EFNA5: variants seen among roughly 807,000 people sequenced by gnomAD.
EFNA5 encodes ephrin-A5.
A neutral mutation model predicts 22.9 loss-of-function variants in EFNA5; 5 were observed. The ratio of observed to expected loss-of-function variants is 0.22; its 90% CI spans 0.11 to 0.46. The LOEUF is 0.46. Ranked by LOEUF, EFNA5 falls within the 20% of genes least tolerant of loss-of-function variation. The pLI, the probability that EFNA5 is intolerant of heterozygous loss-of-function variation, is 0.99. For missense variants in EFNA5, 237 were observed against 293.3 expected, an observed-to-expected ratio of 0.81 and a Z score of 1.40; for synonymous variants, 113 against 112.2, an observed-to-expected ratio of 1.01 and a Z score of -0.04.
rs189667320 is a variant in EFNA5 at position 107,413,047 on chromosome 5, T to A, written c.418+14170A>T. Among the ~76,000 whole-genome samples the A allele has an allele frequency of 2.0e-5, 3 of 152,272 alleles. No individual in the cohort carries two copies. In the East Asian group the frequency reaches 5.8e-4, roughly 29 times the overall value. The stretch of plus-strand genomic sequence containing the variant: ...ACTAATTGCCTTTCAAATATCAATA[T>A]TAAGAAAACCACTTATTAAACTAGC... On this transcript the variant is annotated intron_variant, in intron 2 of 4. Transcript: ENST00000333274.
chr5:107,397,121 G>T (rs560747689), intron 2 of EFNA5, among the ~76,000 whole-genome samples: 1 of 151,358 alleles, frequency 6.6e-6, no homozygotes, highest in South Asian at 2.1e-4. Flanking sequence ...TTAGCCTGGT[G>T]CAATGCCTAT....
chr5:107,494,245 G>C (rs1330653582), intron 1 of EFNA5, among the ~76,000 whole-genome samples: 2 of 152,136 alleles, frequency 1.3e-5, no homozygotes, highest in Middle Eastern at 3.2e-3. Context: ...GGGAGGTGTG[G>C]AGGCGGAGGC....
intron 1 of EFNA5, 109 bp downstream of exon 1, chr5:107,670,380 C>T (rs1301347927): frequency 1.5e-6 from 2 of 1,376,182 alleles, no homozygotes; most frequent in Non-Finnish European, 1.9e-6. Context: ...GACGCAGGCT[C>T]CGAGGGTGCG....
At position 107,379,159 on chromosome 5, in the gene EFNA5, G is replaced by C. The variant is rs1290596332; in HGVS notation, c.*2096C>G. 6.6e-6 allele frequency: 1 copy of C among 152,144 alleles called. No individual in the cohort carries two copies. The highest frequency in any genetic ancestry group is 6.5e-5 in the Admixed American group (1 of 15,280). The allele number at this position is 152,144 out of a possible 1,614,324, so 9.4% of individuals were successfully genotyped here. Reference sequence around the variant, plus strand: ...AGTTCCTTATGTCAGAGGGGAATAGGATTGATTGTATCTGTGAGGCTGGCA... The same window carrying C: ...AGTTCCTTATGTCAGAGGGGAATAGCATTGATTGTATCTGTGAGGCTGGCA... On this transcript the variant is annotated 3_prime_UTR_variant, in exon 5 of 5. Transcript: ENST00000333274.
intron 1 of EFNA5, among the ~76,000 whole-genome samples, chr5:107,519,031 T>C (rs1456557286): frequency 6.6e-6 from 1 of 152,228 alleles, no homozygotes; most frequent in African/African-American, 2.4e-5. Context: ...TAAATCTATT[T>C]CTATAATATG....
At chr5:107,532,012 C>T (rs1347993725) in intron 1 of EFNA5, among the ~76,000 whole-genome samples, 1 of 152,086 alleles carries the variant, frequency 6.6e-6, no homozygotes, top group Non-Finnish European at 1.5e-5. Flanking sequence ...AATGTAAGAC[C>T]TCCTGAAAAT....
chr5:107,612,900 T>G (rs1406712393), intron 1 of EFNA5, among the ~76,000 whole-genome samples: 2 of 152,132 alleles, frequency 1.3e-5, no homozygotes, highest in African/African-American at 4.8e-5. Context: ...AATAACCTTC[T>G]AGACATAGAA....
intron 1 of EFNA5, among the ~76,000 whole-genome samples, chr5:107,641,766 G>C (rs979652147): frequency 6.6e-6 from 1 of 152,016 alleles, no homozygotes; most frequent in African/African-American, 2.4e-5. Flanking sequence ...TCTGTTCATT[G>C]CATCTGCACT....
chr5:107,640,618 A>G (rs1750479913), intron 1 of EFNA5, among the ~76,000 whole-genome samples: 1 of 152,170 alleles, frequency 6.6e-6, no homozygotes, highest in Admixed American at 6.5e-5. Context: ...AACACAGAAA[A>G]CAAACAGAGA....
At chr5:107,468,843 A>C (rs1750062628) in intron 1 of EFNA5, among the ~76,000 whole-genome samples, 1 of 152,256 alleles carries the variant, frequency 6.6e-6, no homozygotes, top group Non-Finnish European at 1.5e-5. Context: ...GTAAGCATTA[A>C]GGAAATACAG....
At chr5:107,609,266 T>A (rs1168246123) in intron 1 of EFNA5, among the ~76,000 whole-genome samples, 1 of 152,206 alleles carries the variant, frequency 6.6e-6, no homozygotes, top group African/African-American at 2.4e-5. Flanking sequence ...CAGCATCCAA[T>A]ATCACACAAA....
intron 2 of EFNA5, among the ~76,000 whole-genome samples, chr5:107,401,725 C>G (rs975254548): frequency 6.6e-6 from 1 of 152,112 alleles, no homozygotes; most frequent in Non-Finnish European, 1.5e-5. Flanking sequence ...ACCTGAGTTA[C>G]AAGGAAATCA....
At chr5:107,388,587 A>G (rs1747700187) in intron 2 of EFNA5, 1 of 152,188 alleles carries the variant, frequency 6.6e-6, no homozygotes, top group Admixed American at 6.5e-5. Context: ...TATGGTTGAA[A>G]GATTATCTCC....
In EFNA5 at chr5:107,409,787, A is replaced by G. The variant is rs114954720; in HGVS notation, c.418+17430T>C. 9.8e-3 allele frequency among the ~76,000 whole-genome samples: 1,495 copies of G among 152,316 alleles called. 17 individuals are homozygous for G. Among genetic ancestry groups the G allele is most frequent in the Admixed American group, 0.014 (208 of 15,300 alleles). On this transcript the variant is annotated intron_variant, in intron 2 of 4. Coordinates refer to ENST00000333274, the MANE Select transcript of EFNA5 (RefSeq NM_001962.3). ...GAGTCAGAAGCACAGAGCCTATCACATGAACAGAAAAGCCACTTACTAGGT... is the reference window on the plus strand; with the variant it reads ...GAGTCAGAAGCACAGAGCCTATCACGTGAACAGAAAAGCCACTTACTAGGT...
At chr5:107,386,643 G>A (rs1747632955) in intron 4 of EFNA5, among the ~76,000 whole-genome samples, 1 of 152,292 alleles carries the variant, frequency 6.6e-6, no homozygotes, top group Admixed American at 6.5e-5. Context: ...TGTGGCACAA[G>A]AGATGTGCGA....
chr5:107,517,787 T>C (rs1018092406), intron 1 of EFNA5, among the ~76,000 whole-genome samples: 2 of 152,204 alleles, frequency 1.3e-5, no homozygotes, highest in African/African-American at 4.8e-5. Flanking sequence ...AGGTTGTACA[T>C]CACTTAGAAA....
At chr5:107,514,474 G>A (rs147675742) in intron 1 of EFNA5, among the ~76,000 whole-genome samples, 1 of 152,204 alleles carries the variant, frequency 6.6e-6, no homozygotes, top group East Asian at 1.9e-4. Flanking sequence ...CATCCCACCT[G>A]GAACGTGAGT....
At chr5:107,590,555 T>A (rs1441338624) in intron 1 of EFNA5, among the ~76,000 whole-genome samples, 1 of 150,984 alleles carries the variant, frequency 6.6e-6, no homozygotes, top group Non-Finnish European at 1.5e-5. Flanking sequence ...GGCTGAGCTA[T>A]TTTTTTTTCT....
chr5:107,412,931 T>C (rs184864860), intron 2 of EFNA5, among the ~76,000 whole-genome samples: 1 of 152,338 alleles, frequency 6.6e-6, no homozygotes, highest in Non-Finnish European at 1.5e-5. Context: ...TGATAGAAAC[T>C]ATTTTTGACA....
Sources: gnomAD v4.1 joint callset for allele counts (sites outside exome capture counted in the v4.1 genomes callset) on GRCh38, gnomAD v4.1.1 for gene constraint, MANE v1.5 for transcripts, NCBI Gene and HGNC (gene_info 2026-07-23, HGNC 2026-07-21) for gene names.